Variants in GALNT18 observed in about 807,000 individuals in gnomAD.
The protein encoded by GALNT18 is polypeptide N-acetylgalactosaminyltransferase 18, also known as GalNAc-transferase 18.
GALNT18 carries 44 observed loss-of-function variants against 69.5 expected under a neutral mutation model. The ratio of observed to expected loss-of-function variants is 0.63; its 90% CI spans 0.50 to 0.81. The LOEUF (loss-of-function observed/expected upper bound fraction) is 0.81. Ranked by LOEUF, GALNT18 falls within the 40% of genes least tolerant of loss-of-function variation. The pLI is 0.00. For synonymous variants in GALNT18, 364 were observed against 318.2 expected (o/e 1.14, Z -1.53); for missense variants, 715 against 810.0 (o/e 0.88, Z 1.42).
At chr11:11,549,480 G>T (rs902111262) in intron 1 of GALNT18, among the ~76,000 whole-genome samples, 3 of 152,188 alleles carry the variant, frequency 2.0e-5, no homozygotes, top group African/African-American at 7.2e-5. Context: ...ACATGTTTGG[G>T]CCTCTTTAAG....
rs542008092 is a variant in GALNT18 at position 11,436,978 on chromosome 11, C to T, written c.429-4191G>A. 1.1e-4 allele frequency among the ~76,000 whole-genome samples: 16 copies of T among 152,180 alleles called. No homozygotes were observed. The highest frequency in any genetic ancestry group is 3.6e-4 in the African/African-American group (15 of 41,436). The stretch of plus-strand genomic sequence containing the variant: ...CAAATCTGTACTGCTAAGATGCCCT[C>T]CCAGAGCACCTGGATTTTCCAGAAT... On this transcript the variant is annotated intron_variant, in intron 2 of 10. Transcript: ENST00000227756. The surrounding 1 kb of genome is among the most constrained non-coding windows in gnomAD (Gnocchi z 4.5).
chr11:11,585,203 T>C (rs1859183567), intron 1 of GALNT18, among the ~76,000 whole-genome samples: 5 of 152,202 alleles, frequency 3.3e-5, no homozygotes, highest in Admixed American at 3.3e-4. Context: ...ATATAAAACA[T>C]TTACTGATGT....
In GALNT18 at chr11:11,389,922, T is replaced by C. The variant is rs1854143946; in HGVS notation, c.596-10658A>G. 6.6e-6 allele frequency among the ~76,000 whole-genome samples: 1 copy of C among 152,178 alleles called. No individual in the cohort carries two copies. Among genetic ancestry groups the C allele is most frequent in the South Asian group, 2.1e-4 (1 of 4,816 alleles). ...AATTTTGGTGCTGGCTTCTCCTTTT[T>C]TGCAAGGCTTAGAGTTTAGAGTGCT... On this transcript the variant is annotated intron_variant, in intron 3 of 10. Coordinates refer to ENST00000227756, the MANE Select transcript of GALNT18 (RefSeq NM_198516.3). This position sits in a 1 kb window ranked among gnomAD's most constrained non-coding sequence, Gnocchi z 4.3.
intron 1 of GALNT18, among the ~76,000 whole-genome samples, chr11:11,574,820 C>T (rs185002954): frequency 5.3e-4 from 81 of 152,336 alleles, no homozygotes; most frequent in Admixed American, 1.2e-3. Flanking sequence ...AGAGCAGAAG[C>T]ATTAGTATAA....
At chr11:11,304,297 G>A (rs1849542366) in intron 9 of GALNT18, among the ~76,000 whole-genome samples, 1 of 152,118 alleles carries the variant, frequency 6.6e-6, no homozygotes, top group Admixed American at 6.5e-5. Context: ...TTTACCTTAA[G>A]CTACCCAAAT....
intron 8 of GALNT18, among the ~76,000 whole-genome samples, chr11:11,327,503 T>C (rs1006565680): frequency 6.6e-6 from 1 of 152,216 alleles, no homozygotes; most frequent in African/African-American, 2.4e-5. Flanking sequence ...GACAACAGCC[T>C]TCAAGTGTCC....
chr11:11,426,937 T>C (rs541805774), intron 3 of GALNT18, among the ~76,000 whole-genome samples: 1 of 152,294 alleles, frequency 6.6e-6, no homozygotes, highest in African/African-American at 2.4e-5. Context: ...CTCCATATTA[T>C]TCAAAAAATA....
intron 3 of GALNT18, among the ~76,000 whole-genome samples, chr11:11,380,860 T>C (rs751339628): frequency 3.9e-5 from 6 of 152,356 alleles, no homozygotes; most frequent in Admixed American, 6.5e-5. Context: ...CCCTTCTAGG[T>C]TTCCAGCTTC....
intron 3 of GALNT18, among the ~76,000 whole-genome samples, chr11:11,405,613 A>G (rs2133746279): frequency 6.6e-6 from 1 of 152,326 alleles, no homozygotes; most frequent in African/African-American, 2.4e-5. Context: ...ACAGGAAAGG[A>G]TCACATTTTC....
chr11:11,412,354 C>T (rs1854750610), intron 3 of GALNT18, among the ~76,000 whole-genome samples: 1 of 152,230 alleles, frequency 6.6e-6, no homozygotes, highest in African/African-American at 2.4e-5. Context: ...GTCCCCCAGA[C>T]CTGGTTTGGA....
intron 1 of GALNT18, among the ~76,000 whole-genome samples, chr11:11,610,572 CT>C (rs1384971928): frequency 2.0e-5 from 3 of 152,048 alleles, no homozygotes; most frequent in Non-Finnish European, 4.4e-5. Flanking sequence ...ATTGATTGAT[CT>C]CTTCTATGCA....
At chr11:11,412,311 A>G (rs1854749838) in intron 3 of GALNT18, among the ~76,000 whole-genome samples, 1 of 152,198 alleles carries the variant, frequency 6.6e-6, no homozygotes, top group South Asian at 2.1e-4. Flanking sequence ...AGAATTTGCC[A>G]AAGTGTTTCC....
At chr11:11,441,813 G>T (rs1436246815) in intron 2 of GALNT18, among the ~76,000 whole-genome samples, 1 of 152,150 alleles carries the variant, frequency 6.6e-6, no homozygotes, top group Non-Finnish European at 1.5e-5. Flanking sequence ...TACAGAATTT[G>T]TGGGGCCCAG....
chr11:11,352,409 G>T (rs766297104), intron 6 of GALNT18: 1 of 1,613,896 alleles, frequency 6.2e-7, no homozygotes, highest in African/African-American at 1.3e-5. Flanking sequence ...GATCATAATT[G>T]TCACGTCCAT....
At chr11:11,280,415 A>C (rs1057363215) in intron 10 of GALNT18, among the ~76,000 whole-genome samples, 3 of 151,920 alleles carry the variant, frequency 2.0e-5, no homozygotes, top group Non-Finnish European at 4.4e-5. Context: ...CTCCAGGGAG[A>C]AGGATCTCAC....
chr11:11,462,797 C>T (rs1018818350), intron 1 of GALNT18, among the ~76,000 whole-genome samples: 22 of 152,122 alleles, frequency 1.4e-4, no homozygotes, highest in African/African-American at 3.4e-4. Flanking sequence ...ATTCTAGGAC[C>T]GGGAAGTAAA....
At position 11,604,582 on chromosome 11, in the gene GALNT18, G is replaced by C. The variant is rs1328322144; in HGVS notation, c.235+16777C>G. On this transcript the variant is annotated intron_variant, in intron 1 of 10. Transcript: ENST00000227756. The surrounding 1 kb of genome is among the most constrained non-coding windows in gnomAD (Gnocchi z 5.6). ...CACCAAGTCTGCATGGCGGAGAGAA[G>C]GGTGATGTGGATCAGAATGCAGCCT... 6.6e-6 allele frequency among the ~76,000 whole-genome samples: 1 copy of C among 152,228 alleles called. No individual in the cohort carries two copies. Among genetic ancestry groups the C allele is most frequent in the African/African-American group, 2.4e-5 (1 of 41,466 alleles).
intron 9 of GALNT18, among the ~76,000 whole-genome samples, chr11:11,317,827 A>T (rs1464454034): frequency 6.6e-6 from 1 of 152,236 alleles, no homozygotes; most frequent in East Asian, 1.9e-4. Flanking sequence ...TTCATAAAAG[A>T]CAATCTATCA....
At chr11:11,512,437 G>C (rs1857183977) in intron 1 of GALNT18, among the ~76,000 whole-genome samples, 1 of 152,234 alleles carries the variant, frequency 6.6e-6, no homozygotes, top group African/African-American at 2.4e-5. Context: ...CAGAGATGGA[G>C]GAAAGCATCC....
Sources: allele counts gnomAD v4.1 joint callset (sites outside exome capture counted in the v4.1 genomes callset), GRCh38; gene constraint gnomAD v4.1.1; non-coding constraint Gnocchi (gnomAD v3.1); transcripts MANE v1.5; gene names NCBI Gene and HGNC (gene_info 2026-07-23, HGNC 2026-07-21).